The following REXO5 variants were observed in gnomAD, a reference collection of about 807,000 sequenced individuals.
REXO5 encodes RNA exonuclease 5, also known as exonuclease NEF-sp.
Under a neutral mutation model 88.5 loss-of-function variants are expected in REXO5, and 48 were observed. The observed-to-expected ratio is 0.54, with a 90% CI of 0.43 to 0.69. REXO5 has a LOEUF of 0.69. REXO5 is among the 30% of genes least tolerant of loss of function. REXO5 has a pLI of 0.00. For synonymous variants in REXO5, 311 were observed against 336.5 expected (o/e 0.92, Z 0.83); for missense variants, 749 against 912.2 (o/e 0.82, Z 2.30).
At chr16:20,819,212 C>G (rs1034288766) in intron 5 of REXO5, among the ~76,000 whole-genome samples, 2 of 151,992 alleles carry the variant, frequency 1.3e-5, no homozygotes, top group Non-Finnish European at 2.9e-5. Context: ...TTTCCACCTG[C>G]GCATATCTTT....
At chr16:20,808,510 T>C (rs2080946060) in intron 2 of REXO5, among the ~76,000 whole-genome samples, 1 of 151,968 alleles carries the variant, frequency 6.6e-6, no homozygotes, top group African/African-American at 2.4e-5. Flanking sequence ...TTGGGGTACA[T>C]CAGTGAATCA....
At chr16:20,826,156 G>A (rs1370072992) in intron 8 of REXO5, among the ~76,000 whole-genome samples, 1 of 152,080 alleles carries the variant, frequency 6.6e-6, no homozygotes. Context: ...CAATCTTCTT[G>A]TGACCTTAAG....
At chr16:20,807,341 G>A (rs1015552089) in intron 2 of REXO5, 35 of 468,198 alleles carry the variant, frequency 7.5e-5, no homozygotes, top group Admixed American at 1.9e-4. Flanking sequence ...CACTTTGGGA[G>A]GCCGAGGCGG....
At chr16:20,839,420 C>T (rs2081490655) in intron 13 of REXO5, among the ~76,000 whole-genome samples, 1 of 151,836 alleles carries the variant, frequency 6.6e-6, no homozygotes, top group Non-Finnish European at 1.5e-5. Flanking sequence ...CCTTGCTTTC[C>T]CTACTCACAG....
Position 20,814,912 on chromosome 16 carries a change from T to C in REXO5, c.252-15T>C. The stretch of plus-strand genomic sequence containing the variant: ...GGCCATCTGTCTTAACTGTGTTGGT[T>C]TGATTTCTTGGCAGCTGGTGCCAGC... On this transcript the variant is annotated splice_polypyrimidine_tract_variant and intron_variant, in intron 3 of 19. Coordinates refer to ENST00000261377, the MANE Select transcript of REXO5 (RefSeq NM_030941.3). 5 of 1,609,664 alleles carry C rather than the reference T, an allele frequency of 3.1e-6. No homozygotes were observed. Among genetic ancestry groups the C allele is most frequent in the South Asian group, 1.1e-5 (1 of 90,076 alleles).
rs2080897871 is a variant in REXO5, at chr16:20,807,181, G to A, written c.138+90G>A. ...CCGCCGTCGGGGGCACTGGATTCGGGCGGGCTCTCCGCCCTGGCCTCTCCG... is the reference window on the plus strand; with the variant it reads ...CCGCCGTCGGGGGCACTGGATTCGGACGGGCTCTCCGCCCTGGCCTCTCCG... On this transcript the variant is annotated intron_variant, in intron 2 of 19. Transcript: ENST00000261377. 12 of 1,476,344 alleles carry A rather than the reference G, an allele frequency of 8.1e-6. No individual in the cohort carries two copies. In the South Asian group the frequency reaches 1.2e-4, roughly 15 times the overall value. 91.5% of individuals were successfully genotyped at this position (1,476,344 alleles called of 1,614,324 possible). A position where few individuals can be genotyped will look rare whatever the true frequency, so the allele number is the denominator to read the frequency against.
chr16:20,823,373 GAT>G (rs1430973464), intron 6 of REXO5: 1 of 152,124 alleles, frequency 6.6e-6, no homozygotes, highest in African/African-American at 2.4e-5. Flanking sequence ...GCAGTCCTAT[GAT>G]ATATGAACTA....
chr16:20,824,376 A>C (rs1419322113), intron 6 of REXO5, 63 bp from the exon 7 acceptor site: 1 of 911,416 alleles, frequency 1.1e-6, no homozygotes, highest in Non-Finnish European at 1.8e-6. Context: ...ACCTGCTTGA[A>C]TCTAAGAGTG....
intron 5 of REXO5, among the ~76,000 whole-genome samples, chr16:20,818,234 ATT>A (rs2081111476): frequency 2.0e-5 from 3 of 152,044 alleles, no homozygotes; most frequent in African/African-American, 7.2e-5. Context: ...TATATTACGT[ATT>A]TATTTGTTTA....
intron 1 of REXO5, 40 bp from the exon 2 acceptor site, chr16:20,806,912 C>T: frequency 6.5e-7 from 1 of 1,548,900 alleles, no homozygotes; most frequent in Non-Finnish European, 8.7e-7. Flanking sequence ...GGAATAGGGG[C>T]GCTGGAGTTT....
At chr16:20,811,573 T>G (rs1567380859) in intron 2 of REXO5, among the ~76,000 whole-genome samples, 1 of 152,200 alleles carries the variant, frequency 6.6e-6, no homozygotes, top group Non-Finnish European at 1.5e-5. Flanking sequence ...GAATGATTGA[T>G]AAAATCCACT....
chr16:20,831,203 A>T (rs1364774974), intron 11 of REXO5, among the ~76,000 whole-genome samples: 2 of 152,030 alleles, frequency 1.3e-5, no homozygotes, highest in Non-Finnish European at 2.9e-5. Context: ...TGTTTTAGGT[A>T]TTTTTGTGAA....
At chr16:20,847,802 G>A (rs1442536526) in intron 19 of REXO5, among the ~76,000 whole-genome samples, 2 of 152,212 alleles carry the variant, frequency 1.3e-5, no homozygotes, top group African/African-American at 2.4e-5. Flanking sequence ...CTCAGGGGCA[G>A]TGTATGGTGG....
chr16:20,806,499 A>T, upstream of REXO5: 3 of 1,545,846 alleles, frequency 1.9e-6, no homozygotes, highest in Non-Finnish European at 2.6e-6. Flanking sequence ...CGGTCCGTTC[A>T]AAAAGCCCGC....
At chr16:20,811,298 A>G (rs1002488402) in intron 2 of REXO5, among the ~76,000 whole-genome samples, 2 of 152,226 alleles carry the variant, frequency 1.3e-5, no homozygotes, top group Non-Finnish European at 2.9e-5. Flanking sequence ...AAACTGGCAT[A>G]TTCTTTCAGG....
At position 20,816,179 on chromosome 16, in the gene REXO5, C is replaced by A. The variant is rs1157896273; in HGVS notation, c.442C>A (p.Gln148Lys). The A allele has an allele frequency of 1.9e-6, 3 of 1,613,902 alleles. No individual in the cohort carries two copies. Among genetic ancestry groups the A allele is most frequent in the African/African-American group, 1.3e-5 (1 of 74,898 alleles). The change falls in exon 5 of 20, where the codon CAA (glutamine) becomes AAA (lysine). Residue 148 changes from glutamine (Q) to lysine (K), a missense_variant. Physicochemically the swap from Gln to Lys is moderately conservative, Grantham distance 53. Coordinates refer to ENST00000261377, the MANE Select transcript of REXO5 (RefSeq NM_030941.3). ...TGATGTTGTTGGGCTACAAACTGAACAAAGAGCTGGAGATCTGCCCAAGAC... is the reference window on the plus strand; with the variant it reads ...TGATGTTGTTGGGCTACAAACTGAAAAAAGAGCTGGAGATCTGCCCAAGAC... ...LADVVGLQTEQRAGDLPKTME... is the reference protein window; with the variant it reads ...LADVVGLQTEKRAGDLPKTME...
intron 10 of REXO5, 92 bp downstream of exon 10, chr16:20,827,539 G>T: frequency 1.1e-6 from 1 of 910,020 alleles, no homozygotes; most frequent in Non-Finnish European, 1.7e-6. Context: ...CAAAATTCAG[G>T]GTTTCTGCTC....
In REXO5 at chr16:20,816,123, G is replaced by T. The variant is rs369092546; in HGVS notation, c.386G>T (p.Arg129Leu). The change falls in exon 5 of 20, where the codon CGC becomes CTC. Residue 129 changes from arginine (R) to leucine (L), a missense_variant. Transcript: ENST00000261377. Reference protein sequence around the residue: ...CLRKAFRHKFRLPPPSSDFLA... With the variant: ...CLRKAFRHKFLLPPPSSDFLA... Reference sequence around the variant, plus strand: ...CTGTTAATATATTTTCAGAAATTCCGCTTGCCTCCACCATCATCTGATTTT... The same window carrying T: ...CTGTTAATATATTTTCAGAAATTCCTCTTGCCTCCACCATCATCTGATTTT... 6.8e-6 allele frequency: 11 copies of T among 1,613,336 alleles called. No homozygotes were observed. Among genetic ancestry groups the T allele is most frequent in the Middle Eastern group, 1.6e-4 (1 of 6,084 alleles).
chr16:20,828,593 G>T, intron 11 of REXO5, 56 bp downstream of exon 11: 1 of 1,177,088 alleles, frequency 8.5e-7, no homozygotes, highest in Admixed American at 1.7e-5. Context: ...GACTAGATCA[G>T]ATTATCACAG....
Sources: gnomAD v4.1 joint callset for allele counts (sites outside exome capture counted in the v4.1 genomes callset) on GRCh38, gnomAD v4.1.1 for gene constraint, MANE v1.5 for transcripts, NCBI Gene and HGNC (gene_info 2026-07-23, HGNC 2026-07-21) for gene names.